The following RBFOX1 variants were observed in gnomAD, a reference collection of about 807,000 sequenced individuals.
RBFOX1 encodes RNA binding fox-1 homolog 1.
In RBFOX1, 8 loss-of-function variants were observed where a neutral mutation model predicts 57.7. The observed-to-expected ratio is 0.14, with a 90% CI of 0.08 to 0.25. RBFOX1 has a LOEUF of 0.25. Among genes scored for constraint, RBFOX1 ranks in the 10% least tolerant of loss-of-function variants. The probability of loss-of-function intolerance (pLI) is 1.00; values close to 1 mark genes in which losing one functional copy is unlikely to be tolerated. For missense variants in RBFOX1, 611 were observed against 548.5 expected (o/e 1.11, Z -1.14); for synonymous variants, 326 against 222.4 (o/e 1.47, Z -4.15).
chr16:6,537,775 C>T (rs1052150929), intron 2 of RBFOX1, among the ~76,000 whole-genome samples: 47 of 152,054 alleles, frequency 3.1e-4, no homozygotes, highest in Non-Finnish European at 5.7e-4. Context: ...TGAAGACCAC[C>T]AAATAGTGCT....
intron 4 of RBFOX1, among the ~76,000 whole-genome samples, chr16:7,097,109 T>C (rs914584528): frequency 6.6e-6 from 1 of 151,892 alleles, no homozygotes; most frequent in African/African-American, 2.4e-5. Flanking sequence ...AAACAAAAAA[T>C]GTGCTTGGGA....
intron 4 of RBFOX1, among the ~76,000 whole-genome samples, chr16:5,938,698 A>G (rs1005049551): frequency 6.6e-6 from 1 of 152,130 alleles, no homozygotes; most frequent in Admixed American, 6.6e-5. Context: ...CCTGAGGAAT[A>G]GCCTGGTTGC....
intron 4 of RBFOX1, among the ~76,000 whole-genome samples, chr16:7,419,688 G>A (rs1031883282): frequency 2.6e-5 from 4 of 152,060 alleles, no homozygotes; most frequent in Non-Finnish European, 5.9e-5. Flanking sequence ...TTGCTCTCCC[G>A]ACCCTCCAGT....
intron 4 of RBFOX1, among the ~76,000 whole-genome samples, chr16:5,909,927 C>T (rs952066748): frequency 1.3e-5 from 2 of 151,990 alleles, no homozygotes; most frequent in Admixed American, 6.6e-5. Context: ...GTGGCAGGCA[C>T]CTGTAATCCC....
chr16:6,917,983 T>C (rs2073613193), intron 3 of RBFOX1, among the ~76,000 whole-genome samples: 1 of 152,060 alleles, frequency 6.6e-6, no homozygotes, highest in Non-Finnish European at 1.5e-5. Context: ...CACTTACGAA[T>C]TTGTTAAAAA....
chr16:7,156,681 C>T (rs1044162647), intron 4 of RBFOX1, among the ~76,000 whole-genome samples: 2 of 152,006 alleles, frequency 1.3e-5, no homozygotes, highest in Non-Finnish European at 2.9e-5. Context: ...TTTAGTAGTT[C>T]TATAGTATTC....
At chr16:6,289,022 G>C (rs2152716315) in intron 1 of RBFOX1, among the ~76,000 whole-genome samples, 1 of 152,244 alleles carries the variant, frequency 6.6e-6, no homozygotes, top group East Asian at 1.9e-4. Flanking sequence ...TCCAGAATCT[G>C]AACAGAATGA....
intron 2 of RBFOX1, among the ~76,000 whole-genome samples, chr16:5,542,739 G>A (rs1310042462): frequency 6.6e-6 from 1 of 152,164 alleles, no homozygotes; most frequent in Non-Finnish European, 1.5e-5. Context: ...GAGTTTTCAA[G>A]TAAGAAGGCC....
intron 3 of RBFOX1, among the ~76,000 whole-genome samples, chr16:5,776,189 T>G (rs1043911311): frequency 1.3e-5 from 2 of 152,268 alleles, no homozygotes; most frequent in Non-Finnish European, 2.9e-5. Context: ...GAAGGCTGTT[T>G]GGGTTGGTGC....
chr16:6,767,944 TAATAAG>T (rs1409179304), intron 3 of RBFOX1, among the ~76,000 whole-genome samples: 2,415 of 86,272 alleles, frequency 0.028, 26 homozygotes, highest in African/African-American at 0.042. Context: ...ATAATAATAA[TAATAAG>T]AAGAAGAAGA....
intron 4 of RBFOX1, among the ~76,000 whole-genome samples, chr16:5,999,355 C>G (rs1326207917): frequency 6.6e-6 from 1 of 152,216 alleles, no homozygotes; most frequent in African/African-American, 2.4e-5. Flanking sequence ...ACAAATAAAT[C>G]CTTCCTTAAG....
At chr16:6,676,956 A>C (rs1197027387) in intron 3 of RBFOX1, among the ~76,000 whole-genome samples, 6 of 152,010 alleles carry the variant, frequency 3.9e-5, no homozygotes, top group Admixed American at 3.3e-4. Flanking sequence ...GATTACAGGC[A>C]TGAGCCACCA....
chr16:6,220,355 C>T (rs555581429), intron 1 of RBFOX1, among the ~76,000 whole-genome samples: 1 of 152,130 alleles, frequency 6.6e-6, no homozygotes, highest in East Asian at 1.9e-4. Context: ...CCCCTTTATT[C>T]TTTAAGACTC....
chr16:5,252,161 G>T (rs780056377), intron 1 of RBFOX1, among the ~76,000 whole-genome samples: 1 of 152,336 alleles, frequency 6.6e-6, no homozygotes, highest in Admixed American at 6.5e-5. Flanking sequence ...GTGTGGAAGG[G>T]TGGGGACCCT....
At chr16:5,552,347 A>G (rs1170039958) in intron 2 of RBFOX1, among the ~76,000 whole-genome samples, 1 of 152,028 alleles carries the variant, frequency 6.6e-6, no homozygotes, top group Non-Finnish European at 1.5e-5. Context: ...TTCCAGCGCT[A>G]TTTGCTCACA....
At chr16:6,919,727 A>G (rs552068872) in intron 3 of RBFOX1, among the ~76,000 whole-genome samples, 18 of 152,050 alleles carry the variant, frequency 1.2e-4, no homozygotes, top group African/African-American at 4.3e-4. Context: ...ATAGATAAGG[A>G]GAAAAATTTC....
chr16:6,693,548 C>G (rs951844835), intron 3 of RBFOX1, among the ~76,000 whole-genome samples: 1 of 151,776 alleles, frequency 6.6e-6, no homozygotes, highest in South Asian at 2.1e-4. Context: ...GCAACATCAT[C>G]TTCCTCCACT....
At chr16:7,173,255 G>C (rs2081049993) in intron 4 of RBFOX1, among the ~76,000 whole-genome samples, 2 of 152,094 alleles carry the variant, frequency 1.3e-5, no homozygotes, top group South Asian at 4.1e-4. Context: ...TTACGCCACT[G>C]ACTACGAAAA....
Position 5,608,310 on chromosome 16 carries a change from C to T in RBFOX1, c.318+9349C>T, listed in dbSNP as rs115609943. On this transcript the variant is annotated intron_variant, in intron 3 of 19. Coordinates refer to the RBFOX1 transcript ENST00000641259. ...GGACGGGAACCAAGGGCTCTGTTTCCGTAACAGCAGCAGCCGTCTGAGCAG... is the reference window on the plus strand; with the variant it reads ...GGACGGGAACCAAGGGCTCTGTTTCTGTAACAGCAGCAGCCGTCTGAGCAG... Among the ~76,000 whole-genome samples, 656 of 152,252 alleles carry T rather than the reference C, an allele frequency of 4.3e-3. 7 individuals carry two copies. The highest frequency in any genetic ancestry group is 0.015 in the African/African-American group (624 of 41,540).
Sources: allele counts gnomAD v4.1 joint callset (sites outside exome capture counted in the v4.1 genomes callset), GRCh38; gene constraint gnomAD v4.1.1; transcripts MANE v1.5; gene names NCBI Gene and HGNC (gene_info 2026-07-23, HGNC 2026-07-21).